CTNNA3: variants seen among roughly 807,000 people sequenced by gnomAD.
CTNNA3 encodes the protein catenin alpha 3, also known as catenin alpha-3.
CTNNA3 carries 76 observed loss-of-function variants against 95.7 expected under a neutral mutation model. The observed-to-expected ratio is 0.79, with a 90% CI of 0.66 to 0.96. The LOEUF (loss-of-function observed/expected upper bound fraction) is 0.96. Ranked by LOEUF, CTNNA3 falls within the 40% of genes least tolerant of loss-of-function variation. The pLI is 0.00. For synonymous variants in CTNNA3, 431 were observed against 374.4 expected (o/e 1.15, Z -1.74); for missense variants, 1,191 against 1,089.8 (o/e 1.09, Z -1.31).
At chr10:66,564,279 C>G (rs1185922883) in intron 10 of CTNNA3, among the ~76,000 whole-genome samples, 1 of 152,086 alleles carries the variant, frequency 6.6e-6, no homozygotes, top group African/African-American at 2.4e-5. Flanking sequence ...TATTGCTGTG[C>G]CTGTGACATA....
intron 16 of CTNNA3, among the ~76,000 whole-genome samples, chr10:65,988,410 A>T (rs552677674): frequency 4.6e-5 from 7 of 152,310 alleles, no homozygotes; most frequent in African/African-American, 1.7e-4. Flanking sequence ...TCGGTTTTGT[A>T]ATTACAATTG....
chr10:67,101,270 TA>T (rs1238802846), intron 7 of CTNNA3, among the ~76,000 whole-genome samples: 1 of 151,724 alleles, frequency 6.6e-6, no homozygotes, highest in Non-Finnish European at 1.5e-5. Context: ...TGCATAATTA[TA>T]AAAGAGATCC....
intron 17 of CTNNA3, among the ~76,000 whole-genome samples, chr10:65,923,728 T>G (rs1415764984): frequency 6.6e-6 from 1 of 152,180 alleles, no homozygotes; most frequent in Non-Finnish European, 1.5e-5. Context: ...TTTGTCAATG[T>G]TCCGTTAGAA....
chr10:66,460,596 T>C (rs1402913538), intron 11 of CTNNA3, among the ~76,000 whole-genome samples: 1 of 152,014 alleles, frequency 6.6e-6, no homozygotes, highest in East Asian at 1.9e-4. Context: ...TTTCTTGCAT[T>C]TTCTCTCTAG....
chr10:67,604,198 A>C (rs1286997962), intron 3 of CTNNA3, among the ~76,000 whole-genome samples: 4 of 152,198 alleles, frequency 2.6e-5, no homozygotes, highest in Non-Finnish European at 5.9e-5. Flanking sequence ...CACTTCTCAG[A>C]ACATGTCCCC....
chr10:66,962,566 C>T (rs1849173772), intron 7 of CTNNA3, among the ~76,000 whole-genome samples: 1 of 151,852 alleles, frequency 6.6e-6, no homozygotes, highest in Non-Finnish European at 1.5e-5. Context: ...CGTGCCACCA[C>T]ACCCAGATAA....
intron 6 of CTNNA3, among the ~76,000 whole-genome samples, chr10:67,198,876 T>G (rs1037238039): frequency 6.6e-5 from 10 of 152,204 alleles, no homozygotes; most frequent in African/African-American, 2.2e-4. Context: ...TTTATAGTCT[T>G]TAAAGTTTTT....
intron 13 of CTNNA3, among the ~76,000 whole-genome samples, chr10:66,152,804 G>C (rs895719194): frequency 6.6e-6 from 1 of 151,872 alleles, no homozygotes; most frequent in Non-Finnish European, 1.5e-5. Context: ...CTGAAACTTT[G>C]TTATCCTTTC....
chr10:66,938,426 AAAGT>A (rs1489248133), intron 7 of CTNNA3, among the ~76,000 whole-genome samples: 3 of 152,192 alleles, frequency 2.0e-5, no homozygotes, highest in Non-Finnish European at 4.4e-5. Context: ...ATTTTATAAT[AAAGT>A]AAGCTAGAAA....
chr10:67,164,563 A>G (rs1861679398), intron 7 of CTNNA3, among the ~76,000 whole-genome samples: 1 of 152,146 alleles, frequency 6.6e-6, no homozygotes, highest in Non-Finnish European at 1.5e-5. Context: ...AAAAAGCATG[A>G]CACATAAAAG....
At chr10:67,121,951 T>C (rs896601958) in intron 7 of CTNNA3, among the ~76,000 whole-genome samples, 4 of 123,996 alleles carry the variant, frequency 3.2e-5, no homozygotes, top group South Asian at 4.9e-4. Flanking sequence ...TTTAATTGTG[T>C]AGCACGCTCT....
At chr10:67,279,617 G>T (rs1029587084) in intron 5 of CTNNA3, among the ~76,000 whole-genome samples, 4 of 139,600 alleles carry the variant, frequency 2.9e-5, no homozygotes, top group Admixed American at 7.0e-5. Flanking sequence ...TGTAGCTACG[G>T]GGAGATATTT....
intron 5 of CTNNA3, among the ~76,000 whole-genome samples, chr10:67,470,955 C>CTTTT (rs966462378): frequency 6.6e-6 from 1 of 151,624 alleles, no homozygotes; most frequent in Non-Finnish European, 1.5e-5. Context: ...TAATTTTTGT[C>CTTTT]TTTTTTATTT....
At chr10:66,491,614 G>A (rs1839926198) in intron 11 of CTNNA3, among the ~76,000 whole-genome samples, 1 of 151,948 alleles carries the variant, frequency 6.6e-6, no homozygotes, top group South Asian at 2.1e-4. Context: ...GAATCCTTTT[G>A]CCTGCTCTTT....
intron 7 of CTNNA3, chr10:66,928,089 C>T (rs1192829754): frequency 2.5e-6 from 4 of 1,613,938 alleles, no homozygotes; most frequent in Non-Finnish European, 3.4e-6. Flanking sequence ...AGCATGAGAG[C>T]AAACCCCCTT....
chr10:66,887,424 A>G (rs1845085508), intron 7 of CTNNA3, among the ~76,000 whole-genome samples: 1 of 152,196 alleles, frequency 6.6e-6, no homozygotes, highest in South Asian at 2.1e-4. Context: ...ATTAGAGAAG[A>G]AAAACAATGA....
At chr10:67,231,204 G>A (rs1048093136) in intron 5 of CTNNA3, among the ~76,000 whole-genome samples, 11 of 152,224 alleles carry the variant, frequency 7.2e-5, no homozygotes, top group Admixed American at 6.5e-4. Flanking sequence ...GCCTCTGTAG[G>A]CTCCACCTCT....
intron 13 of CTNNA3, among the ~76,000 whole-genome samples, chr10:66,265,597 G>A (rs1213194075): frequency 6.6e-6 from 1 of 151,978 alleles, no homozygotes; most frequent in Non-Finnish European, 1.5e-5. Flanking sequence ...CCTCCTTCCT[G>A]TTCTTTAGGT....
chr10:66,066,571 T>C (rs1052988652), intron 15 of CTNNA3, among the ~76,000 whole-genome samples: 1 of 152,128 alleles, frequency 6.6e-6, no homozygotes, highest in South Asian at 2.1e-4. Context: ...TTAGAAGCTA[T>C]GGACTAGAGT....
Sources: gnomAD v4.1 joint callset for allele counts (sites outside exome capture counted in the v4.1 genomes callset) on GRCh38, gnomAD v4.1.1 for gene constraint, MANE v1.5 for transcripts, NCBI Gene and HGNC (gene_info 2026-07-23, HGNC 2026-07-21) for gene names.